The following ULK4 variants were observed in gnomAD, a reference collection of about 807,000 sequenced individuals.
The protein encoded by ULK4 is unc-51 like kinase 4, also known as inactive serine/threonine-protein kinase ULK4.
A neutral mutation model predicts 160.6 loss-of-function variants in ULK4; 133 were observed. The observed-to-expected ratio is 0.83, with a 90% CI of 0.72 to 0.96. The LOEUF is 0.96. Among genes scored for constraint, ULK4 ranks in the 40% least tolerant of loss-of-function variants. The pLI is 0.00. For missense variants in ULK4, 1,580 were observed against 1,499.5 expected (o/e 1.05, Z -0.89); for synonymous variants, 534 against 539.8 (o/e 0.99, Z 0.15).
chr3:41,362,557 CT>C (rs1270153368), intron 35 of ULK4, among the ~76,000 whole-genome samples: 3 of 152,134 alleles, frequency 2.0e-5, no homozygotes, highest in Admixed American at 6.5e-5. Flanking sequence ...GCTTCAAATC[CT>C]GGCTCCACCA....
At chr3:41,668,212 T>C (rs1242036324) in intron 29 of ULK4, among the ~76,000 whole-genome samples, 2 of 152,138 alleles carry the variant, frequency 1.3e-5, no homozygotes, top group African/African-American at 2.4e-5. Context: ...GATTCCAGAA[T>C]AATCAGCAAA....
At chr3:41,413,221 T>A (rs2082446578) in intron 34 of ULK4, among the ~76,000 whole-genome samples, 1 of 152,150 alleles carries the variant, frequency 6.6e-6, no homozygotes. Flanking sequence ...ACTGCCCCCA[T>A]GATTAAATTA....
At chr3:41,644,570 G>T (rs1267883290) in intron 30 of ULK4, among the ~76,000 whole-genome samples, 279 of 152,064 alleles carry the variant, frequency 1.8e-3, no homozygotes, top group African/African-American at 6.2e-3. Flanking sequence ...ATAAGCTTTT[G>T]GATGTGCTGC....
chr3:41,881,284 TAAA>T (rs58977381), intron 17 of ULK4, among the ~76,000 whole-genome samples: 1,277 of 126,164 alleles, frequency 0.01, 9 homozygotes, highest in East Asian at 0.064. Context: ...CAGAAACTTC[TAAA>T]AAAAAAAAAA....
In ULK4 at chr3:41,540,596, C is replaced by G. The variant is rs140388880; in HGVS notation, c.3226+25429G>C. On this transcript the variant is annotated intron_variant, in intron 32 of 36. Transcript: ENST00000301831. ...TCAAATGGTATTTCTAGTTCTAGAT[C>G]CTTAAGGAATCACCACACTGTCCTC... 7.7e-3 allele frequency among the ~76,000 whole-genome samples: 1,176 copies of G among 152,220 alleles called. 10 individuals are homozygous for G. The highest frequency in any genetic ancestry group is 0.034 in the Middle Eastern group (10 of 294).
chr3:41,437,520 T>C (rs1016660323), intron 34 of ULK4, among the ~76,000 whole-genome samples: 4 of 152,204 alleles, frequency 2.6e-5, no homozygotes, highest in Non-Finnish European at 5.9e-5. Flanking sequence ...TGCTTTTGTG[T>C]CTTACACACT....
intron 31 of ULK4, among the ~76,000 whole-genome samples, chr3:41,597,850 TCAATTTG>T (rs1173795131): frequency 6.6e-6 from 1 of 152,218 alleles, no homozygotes; most frequent in African/African-American, 2.4e-5. Flanking sequence ...GAAGTCTACT[TCAATTTG>T]CAATTTGCAA....
chr3:41,758,041 T>A (rs2038864898), intron 21 of ULK4, among the ~76,000 whole-genome samples: 1 of 152,142 alleles, frequency 6.6e-6, no homozygotes, highest in South Asian at 2.1e-4. Context: ...TGGAGGTAAT[T>A]AGGTCATAAG....
chr3:41,248,970 A>G (rs539222334), intron 36 of ULK4, among the ~76,000 whole-genome samples: 4 of 152,178 alleles, frequency 2.6e-5, no homozygotes, highest in Non-Finnish European at 5.9e-5. Context: ...GGTGTCAAAT[A>G]CGCAGTTCTG....
chr3:41,731,762 A>G (rs1416230006), intron 22 of ULK4, among the ~76,000 whole-genome samples: 1 of 152,148 alleles, frequency 6.6e-6, no homozygotes, highest in Non-Finnish European at 1.5e-5. Context: ...CCAAAACAGC[A>G]TGGAACTAGC....
intron 2 of ULK4, among the ~76,000 whole-genome samples, chr3:41,948,819 C>A (rs1486204356): frequency 6.6e-6 from 1 of 151,362 alleles, no homozygotes; most frequent in Non-Finnish European, 1.5e-5. Flanking sequence ...ACAACATACT[C>A]AATGGTGAAA....
At chr3:41,508,949 G>C (rs867412221) in intron 32 of ULK4, among the ~76,000 whole-genome samples, 1 of 152,024 alleles carries the variant, frequency 6.6e-6, no homozygotes, top group Non-Finnish European at 1.5e-5. Context: ...CAGCTCACCA[G>C]CAATGGATCC....
chr3:41,863,119 C>T (rs541065996), intron 17 of ULK4, among the ~76,000 whole-genome samples: 1 of 152,294 alleles, frequency 6.6e-6, no homozygotes, highest in South Asian at 2.1e-4. Context: ...CCTTAGAAGT[C>T]TACCTGGTGT....
At chr3:41,248,866 C>T (rs1031862650) in intron 36 of ULK4, among the ~76,000 whole-genome samples, 19 of 152,314 alleles carry the variant, frequency 1.2e-4, no homozygotes, top group African/African-American at 3.8e-4. Context: ...GGCCTATCTC[C>T]GGTCTGTGGA....
chr3:41,864,470 C>A (rs2042573442), intron 17 of ULK4, among the ~76,000 whole-genome samples: 1 of 152,076 alleles, frequency 6.6e-6, no homozygotes, highest in Non-Finnish European at 1.5e-5. Context: ...TACAAAGGTG[C>A]TTTTACTGTG....
chr3:41,292,939 G>A (rs372857409), intron 35 of ULK4, among the ~76,000 whole-genome samples: 8 of 151,568 alleles, frequency 5.3e-5, no homozygotes, highest in African/African-American at 9.7e-5. Context: ...GCAAGACACC[G>A]TCTCAAAAAA....
At position 41,925,259 on chromosome 3, in the gene ULK4, G is replaced by C. The variant is rs183841494; in HGVS notation, c.542-5441C>G. 3.3e-5 allele frequency among the ~76,000 whole-genome samples: 5 copies of C among 152,320 alleles called. No homozygotes were observed. The East Asian group carries it at 9.7e-4, about 29-fold the overall frequency. ...GGGTGCAGCCCACAGAGGGCAGGCA[G>C]AAGCAAGGTGGGGTGTTGCCTCACC... On this transcript the variant is annotated intron_variant, in intron 5 of 36. Transcript: ENST00000301831.
chr3:41,934,013 G>C (rs1699681662), intron 4 of ULK4, among the ~76,000 whole-genome samples: 1 of 151,952 alleles, frequency 6.6e-6, no homozygotes, highest in Non-Finnish European at 1.5e-5. Context: ...ACTCCAGCCT[G>C]GGCAACAGAG....
At chr3:41,631,731 G>C (rs779723522) in intron 30 of ULK4, among the ~76,000 whole-genome samples, 2 of 152,068 alleles carry the variant, frequency 1.3e-5, no homozygotes, top group African/African-American at 2.4e-5. Flanking sequence ...CGACCACAGA[G>C]AGTACAAAAG....
Sources: allele counts gnomAD v4.1 joint callset (sites outside exome capture counted in the v4.1 genomes callset), GRCh38; gene constraint gnomAD v4.1.1; transcripts MANE v1.5; gene names NCBI Gene and HGNC (gene_info 2026-07-23, HGNC 2026-07-21).